The following LRBA variants were observed in gnomAD, a reference collection of about 807,000 sequenced individuals.
LRBA encodes LPS responsive beige-like anchor protein.
LRBA carries 176 observed loss-of-function variants against 330.0 expected under a neutral mutation model. The ratio of observed to expected loss-of-function variants is 0.53; its 90% CI spans 0.47 to 0.60. The LOEUF (loss-of-function observed/expected upper bound fraction) is 0.60, where lower values mean the gene tolerates loss of function less well. LRBA is among the 20% of genes least tolerant of loss of function. The pLI, the probability that LRBA is intolerant of heterozygous loss-of-function variation, is 0.00. For missense variants in LRBA, 3,259 were observed against 3,444.8 expected (o/e 0.95, Z 1.35); for synonymous variants, 1,230 against 1,193.0 (o/e 1.03, Z -0.64).
intron 47 of LRBA, among the ~76,000 whole-genome samples, chr4:150,355,237 T>A (rs1404372251): frequency 6.6e-6 from 1 of 152,030 alleles, no homozygotes. Flanking sequence ...CCTTTTATTT[T>A]CAAAAAACCA....
At chr4:150,819,914 A>G (rs866048755) in intron 30 of LRBA, among the ~76,000 whole-genome samples, 1 of 152,086 alleles carries the variant, frequency 6.6e-6, no homozygotes, top group South Asian at 2.1e-4. Context: ...GGCTTTCTAC[A>G]TGAATTTACA....
chr4:150,568,721 A>AT (rs1769469200), intron 40 of LRBA, among the ~76,000 whole-genome samples: 1 of 152,122 alleles, frequency 6.6e-6, no homozygotes, highest in African/African-American at 2.4e-5. Flanking sequence ...CATTTATTAC[A>AT]TTTTAGATAT....
At chr4:150,894,078 A>C (rs1323733500) in intron 16 of LRBA, among the ~76,000 whole-genome samples, 1 of 152,210 alleles carries the variant, frequency 6.6e-6, no homozygotes, top group Non-Finnish European at 1.5e-5. Context: ...ATCCAACATG[A>C]CTTTTTTTTA....
rs1778359803 is a variant in LRBA at position 150,639,763 on chromosome 4, ATATATATATATATATATATGTG to A, written c.5922-40654_5922-40633del. ...TATATATATATATATATATATATAT[ATATATATATATATATATATGTG>A]TGTGTGTATATATATATATATGTGT... On this transcript the variant is annotated intron_variant, in intron 37 of 56. Transcript: ENST00000651943. Among the ~76,000 whole-genome samples, 15 of 9,634 alleles carry A rather than the reference ATATATATATATATATATATGTG, an allele frequency of 1.6e-3. 1 individual carries two copies. The highest frequency in any genetic ancestry group is 4.7e-3 in the African/African-American group (15 of 3,216). 6.3% of individuals were successfully genotyped at this position (9,634 alleles called of 152,430 possible). A position where few individuals can be genotyped will look rare whatever the true frequency, so the allele number is the denominator to read the frequency against.
rs751507836 is a variant in LRBA at position 150,698,766 on chromosome 4, T to C, written c.5755-15049A>G. On this transcript the variant is annotated intron_variant, in intron 36 of 56. Coordinates refer to ENST00000651943, the MANE Select transcript of LRBA (RefSeq NM_001364905.1). ...CTTGTTATATGTATGTATATACCTG[T>C]CCTTTATACAGGTAAGAATATGATG... 5.3e-5 allele frequency among the ~76,000 whole-genome samples: 8 copies of C among 152,204 alleles called. No homozygotes were observed. The East Asian group carries it at 1.5e-3, about 29-fold the overall frequency.
chr4:151,008,005 G>T (rs1391218660), intron 2 of LRBA, among the ~76,000 whole-genome samples: 8 of 151,958 alleles, frequency 5.3e-5, no homozygotes, highest in South Asian at 2.1e-4. Context: ...AAATTAGATT[G>T]TGGTAATAGG....
rs1225812188 is a variant in LRBA at position 150,435,722 on chromosome 4, A to G, written c.6922-14T>C. 1 of 1,589,070 alleles carries G rather than the reference A, an allele frequency of 6.3e-7. No individual in the cohort carries two copies. The highest frequency in any genetic ancestry group is 2.2e-5 in the East Asian group (1 of 44,672). On this transcript the variant is annotated splice_polypyrimidine_tract_variant and intron_variant, in intron 45 of 56. Coordinates refer to ENST00000651943, the MANE Select transcript of LRBA (RefSeq NM_001364905.1). ...TGTAAAGGGTTCCTAAAAAATAGCA[A>G]TTAAAAAAATCCATATGTTCCCTCA...
intron 30 of LRBA, among the ~76,000 whole-genome samples, chr4:150,818,510 G>C (rs184815660): frequency 1.3e-5 from 2 of 150,300 alleles, no homozygotes; most frequent in East Asian, 3.9e-4. Context: ...TTGACTTAAG[G>C]GGGAGTAGAT....
intron 2 of LRBA, among the ~76,000 whole-genome samples, chr4:150,945,984 G>A (rs1736201628): frequency 1.3e-5 from 2 of 152,114 alleles, no homozygotes. Flanking sequence ...ATTTTTAGTA[G>A]AGACGGGGTT....
chr4:150,266,270 G>GAATC (rs1262979578), intron 56 of LRBA, among the ~76,000 whole-genome samples: 3 of 152,206 alleles, frequency 2.0e-5, no homozygotes, highest in Admixed American at 6.5e-5. Flanking sequence ...GACAGGTACA[G>GAATC]AATCAATGAA....
At chr4:150,558,373 G>A (rs1459644180) in intron 40 of LRBA, among the ~76,000 whole-genome samples, 1 of 152,030 alleles carries the variant, frequency 6.6e-6, no homozygotes, top group Non-Finnish European at 1.5e-5. Context: ...ATTTCAGTAT[G>A]GACTCCTATT....
At chr4:150,406,003 C>T (rs1292042300) in intron 47 of LRBA, among the ~76,000 whole-genome samples, 5 of 151,940 alleles carry the variant, frequency 3.3e-5, no homozygotes, top group African/African-American at 4.8e-5. Context: ...TGCAGTGAGC[C>T]GTGATTGTAC....
At chr4:150,866,815 A>G (rs987255978) in intron 22 of LRBA, among the ~76,000 whole-genome samples, 2 of 152,190 alleles carry the variant, frequency 1.3e-5, no homozygotes, top group African/African-American at 4.8e-5. Flanking sequence ...AGTAATAAGC[A>G]CAAACAGTAA....
At chr4:150,729,668 A>G (rs1655579626) in intron 36 of LRBA, among the ~76,000 whole-genome samples, 1 of 152,222 alleles carries the variant, frequency 6.6e-6, no homozygotes, top group Admixed American at 6.5e-5. Context: ...TGGAATCACA[A>G]GAGACTCAAA....
At chr4:150,785,726 G>C (rs1293244639) in intron 34 of LRBA, among the ~76,000 whole-genome samples, 1 of 152,040 alleles carries the variant, frequency 6.6e-6, no homozygotes, top group Non-Finnish European at 1.5e-5. Flanking sequence ...AAAAAAAGGT[G>C]GATTATCACA....
intron 9 of LRBA, 76 bp downstream of exon 9, chr4:150,914,119 A>G: frequency 8.3e-7 from 1 of 1,203,070 alleles, no homozygotes; most frequent in East Asian, 2.5e-5. Context: ...TCCATTAACC[A>G]AACTCTCCAT....
At chr4:150,700,640 T>G (rs1387400131) in intron 36 of LRBA, among the ~76,000 whole-genome samples, 1 of 152,228 alleles carries the variant, frequency 6.6e-6, no homozygotes, top group East Asian at 1.9e-4. Context: ...CATTTTTACT[T>G]CATAAACTTA....
At chr4:151,008,056 T>C (rs1744320217) in intron 2 of LRBA, among the ~76,000 whole-genome samples, 1 of 152,000 alleles carries the variant, frequency 6.6e-6, no homozygotes, top group Non-Finnish European at 1.5e-5. Flanking sequence ...TTGACTTGTA[T>C]ACTTAAAATG....
chr4:150,363,390 C>T (rs972642475), intron 47 of LRBA, among the ~76,000 whole-genome samples: 1 of 152,170 alleles, frequency 6.6e-6, no homozygotes, highest in African/African-American at 2.4e-5. Context: ...CTCTCTTTCT[C>T]TCTTTGTGTC....
Sources: allele counts gnomAD v4.1 joint callset (sites outside exome capture counted in the v4.1 genomes callset), GRCh38; gene constraint gnomAD v4.1.1; transcripts MANE v1.5; gene names NCBI Gene and HGNC (gene_info 2026-07-23, HGNC 2026-07-21).